Variants in TPP2 observed in about 807,000 individuals in gnomAD.
The protein encoded by TPP2 is tripeptidyl-peptidase 2.
A neutral mutation model predicts 155.9 loss-of-function variants in TPP2; 34 were observed. The ratio of observed to expected loss-of-function variants is 0.22; its 90% CI spans 0.17 to 0.29. The LOEUF (loss-of-function observed/expected upper bound fraction) is 0.29. Ranked by LOEUF, TPP2 falls within the 10% of genes least tolerant of loss-of-function variation. The pLI, the probability that TPP2 is intolerant of heterozygous loss-of-function variation, is 1.00. For synonymous variants in TPP2, 510 were observed against 529.4 expected, an observed-to-expected ratio of 0.96 and a Z score of 0.50; for missense variants, 1,028 against 1,522.3, an observed-to-expected ratio of 0.68 and a Z score of 5.40.
chr13:102,615,401 C>T (rs1219952101), intron 3 of TPP2, among the ~76,000 whole-genome samples: 1 of 152,088 alleles, frequency 6.6e-6, no homozygotes, highest in Non-Finnish European at 1.5e-5. Flanking sequence ...CCGCCTGCCT[C>T]ATTCTCCCAA....
chr13:102,635,044 T>C (rs1268894994), intron 11 of TPP2, among the ~76,000 whole-genome samples: 4 of 152,226 alleles, frequency 2.6e-5, no homozygotes, highest in Non-Finnish European at 5.9e-5. Context: ...TATGAATTGG[T>C]GGCCTCCATA....
At chr13:102,652,657 T>C (rs1356730235) in intron 24 of TPP2, among the ~76,000 whole-genome samples, 3 of 151,904 alleles carry the variant, frequency 2.0e-5, no homozygotes, top group African/African-American at 7.2e-5. Context: ...TTCTGAAATG[T>C]CCATATTATT....
chr13:102,678,042 T>A (rs952298641), intron 29 of TPP2, among the ~76,000 whole-genome samples, 185 bp from the exon 30 acceptor site: 5 of 151,948 alleles, frequency 3.3e-5, no homozygotes, highest in African/African-American at 1.2e-4. Context: ...GGTAGGAAAG[T>A]TGGTTGATAG....
At chr13:102,601,850 A>T (rs1370057471) in intron 1 of TPP2, among the ~76,000 whole-genome samples, 1 of 151,988 alleles carries the variant, frequency 6.6e-6, no homozygotes, top group East Asian at 1.9e-4. Flanking sequence ...TTAAAGTAAG[A>T]AATTCATGGA....
At chr13:102,636,968 C>A in intron 13 of TPP2, 114 bp from the exon 14 acceptor site, 1 of 977,776 alleles carries the variant, frequency 1.0e-6, no homozygotes, top group Non-Finnish European at 1.5e-6. Flanking sequence ...GTTTTGGATG[C>A]ATTTTACAGC....
intron 1 of TPP2, among the ~76,000 whole-genome samples, chr13:102,601,201 G>T (rs566067303): frequency 6.6e-6 from 1 of 152,110 alleles, no homozygotes; most frequent in East Asian, 1.9e-4. Context: ...AGCAAAGATT[G>T]TCTTATTTAT....
intron 23 of TPP2, among the ~76,000 whole-genome samples, chr13:102,650,318 T>C (rs188787559): frequency 2.0e-5 from 3 of 152,316 alleles, no homozygotes; most frequent in Admixed American, 1.3e-4. Flanking sequence ...AATGCTGTTA[T>C]CAAAATGAGT....
rs1359963050 is a variant in TPP2 at position 102,637,132 on chromosome 13, T to G, written c.1729T>G (p.Ser577Ala). 1 of 1,612,210 alleles carries G rather than the reference T, an allele frequency of 6.2e-7. No individual in the cohort carries two copies. The part of the protein sequence containing the change: ...LQLHLALTSN[S>A]SWVQCPSHLE... ...GCTTCATTTAGCTCTGACTTCAAAT[T>G]CATCTTGGGTTCAGTGTCCCAGCCA... The change falls in exon 14 of 30, where the codon TCA becomes GCA. Residue 577 changes from serine (S) to alanine (A), a missense_variant. Ser to Ala is a moderately conservative substitution (Grantham distance 99). Transcript: ENST00000376052.
chr13:102,629,819 C>T (rs1881895314), intron 9 of TPP2, among the ~76,000 whole-genome samples: 1 of 152,180 alleles, frequency 6.6e-6, no homozygotes, highest in African/African-American at 2.4e-5. Context: ...CATAGAAATA[C>T]ACATGCATGC....
At chr13:102,612,890 C>G (rs1157591460) in intron 2 of TPP2, among the ~76,000 whole-genome samples, 2 of 152,128 alleles carry the variant, frequency 1.3e-5, no homozygotes, top group Non-Finnish European at 2.9e-5. Context: ...TTTGGCATTT[C>G]ATGATTTTCT....
chr13:102,678,236 T>C lies in TPP2; in HGVS notation c.3709T>C (p.Leu1237=), dbSNP rs1305805334. ...NWKNCIQLMK[L]LGWTHCASFT... is the part of the protein sequence containing the mutation. ...TTGTATTTTGTTGTAGCTGATGAAG[T>C]TACTTGGATGGACCCATTGTGCATC... Residue 1237 remains leucine, a synonymous_variant, in exon 30 of 30, where the codon TTA becomes CTA. Transcript: ENST00000376052. 1.9e-6 allele frequency: 3 copies of C among 1,612,160 alleles called. No individual in the cohort carries two copies. Among genetic ancestry groups the C allele is most frequent in the Non-Finnish European group, 1.7e-6 (2 of 1,179,252 alleles).
At chr13:102,675,991 A>G (rs1166463539) in intron 28 of TPP2, among the ~76,000 whole-genome samples, 1 of 152,062 alleles carries the variant, frequency 6.6e-6, no homozygotes, top group African/African-American at 2.4e-5. Context: ...CCTGATTTGC[A>G]TCTTTGTAAT....
At position 102,622,988 on chromosome 13, in the gene TPP2, C is replaced by T. The variant is rs768375973; in HGVS notation, c.732C>T (p.Tyr244=). Reference sequence around the variant, plus strand: ...TTGGCACAGCTGAGATGTTGAATTACTCCGTTAATATATACGATGATGGAA... The same window carrying T: ...TTGGCACAGCTGAGATGTTGAATTATTCCGTTAATATATACGATGATGGAA... ...GSFGTAEMLN[Y]SVNIYDDGNL... is the part of the protein sequence containing the mutation. Residue 244 remains tyrosine (Y), a synonymous_variant, in exon 6 of 30, where the codon TAC becomes TAT. Coordinates refer to ENST00000376052, the MANE Select transcript of TPP2 (RefSeq NM_001330588.2). The T allele has an allele frequency of 3.1e-6, 5 of 1,613,972 alleles. No homozygotes were observed. Among genetic ancestry groups the T allele is most frequent in the Middle Eastern group, 1.6e-4 (1 of 6,084 alleles).
rs770410168 is a variant in TPP2, at chr13:102,637,134, A to T, written c.1731A>T (p.Ser577=). ...TTCATTTAGCTCTGACTTCAAATTC[A>T]TCTTGGGTTCAGTGTCCCAGCCATT... ...LQLHLALTSN[S]SWVQCPSHLE... The change falls in exon 14 of 30, where the codon TCA becomes TCT. Residue 577 remains serine, a synonymous_variant. Transcript: ENST00000376052. 1.2e-6 allele frequency: 2 copies of T among 1,612,634 alleles called. No homozygotes were observed. The highest frequency in any genetic ancestry group is 1.7e-5 in the Admixed American group (1 of 59,698).
intron 25 of TPP2, among the ~76,000 whole-genome samples, chr13:102,660,774 G>A (rs1013315705): frequency 6.6e-6 from 1 of 152,172 alleles, no homozygotes; most frequent in Non-Finnish European, 1.5e-5. Flanking sequence ...TGGCACAAGG[G>A]TAAGACATAT....
At chr13:102,651,237 T>A in intron 23 of TPP2, 122 bp from the exon 24 acceptor site, 1 of 1,032,090 alleles carries the variant, frequency 9.7e-7, no homozygotes, top group Admixed American at 2.9e-5. Flanking sequence ...ATCACAGACC[T>A]GAGCCTTCTA....
chr13:102,668,782 A>G lies in TPP2; in HGVS notation c.3371+3857A>G, dbSNP rs117431650. On this transcript the variant is annotated intron_variant, in intron 27 of 29. Transcript: ENST00000376052. ...AGAGTTGCAGTGTACAACGGAAAGC[A>G]TAGCAAGGAACAAATTATCTGGAGT... 8.8e-3 allele frequency among the ~76,000 whole-genome samples: 1,339 copies of G among 152,366 alleles called. 10 individuals are homozygous for G. The highest frequency in any genetic ancestry group is 0.031 in the Middle Eastern group (9 of 292).
In TPP2 at chr13:102,640,375, T is replaced by C; in HGVS notation, c.2019T>C (p.Ala673=). 6.2e-7 allele frequency: 1 copy of C among 1,612,052 alleles called. No homozygotes were observed. The highest frequency in any genetic ancestry group is 8.5e-7 in the Non-Finnish European group (1 of 1,178,398). The change falls in exon 16 of 30, where the codon GCT becomes GCC. Residue 673 remains alanine, a splice_region_variant and synonymous_variant. Coordinates refer to ENST00000376052, the MANE Select transcript of TPP2 (RefSeq NM_001330588.2). Reference sequence around the variant, plus strand: ...AGGTTCCTGAGGGTGCAACATGGGCTGGTAGGTAAAATTAAAATCTGTGTG... The same window carrying C: ...AGGTTCCTGAGGGTGCAACATGGGCCGGTAGGTAAAATTAAAATCTGTGTG... ...FIEVPEGATW[A]EVTVCSCSSE...
Position 102,616,512 on chromosome 13 carries a change from T to G in TPP2, c.495+12T>G, listed in dbSNP as rs1566326286. On this transcript the variant is annotated intron_variant, in intron 4 of 29. Transcript: ENST00000376052. The stretch of plus-strand genomic sequence containing the variant: ...ACGGCTCTTCTCAAGTTGGTGCTAG[T>G]CGATTTCATTTAAACATTACCCTAG... 2 of 1,600,750 alleles carry G rather than the reference T, an allele frequency of 1.2e-6. No homozygotes were observed.
Sources: gnomAD v4.1 joint callset for allele counts (sites outside exome capture counted in the v4.1 genomes callset) on GRCh38, gnomAD v4.1.1 for gene constraint, MANE v1.5 for transcripts, NCBI Gene and HGNC (gene_info 2026-07-23, HGNC 2026-07-21) for gene names.